KIAA1217: variants seen among roughly 807,000 people sequenced by gnomAD.
KIAA1217 encodes sickle tail protein homolog.
Under a neutral mutation model 163.9 loss-of-function variants are expected in KIAA1217, and 88 were observed. The observed-to-expected ratio is 0.54, with a 90% CI of 0.45 to 0.64. The LOEUF (loss-of-function observed/expected upper bound fraction) is 0.64. Ranked by LOEUF, KIAA1217 falls within the 30% of genes least tolerant of loss-of-function variation. The pLI, the probability that KIAA1217 is intolerant of heterozygous loss-of-function variation, is 0.00. For synonymous variants in KIAA1217, 903 were observed against 923.1 expected (o/e 0.98, Z 0.39); for missense variants, 2,372 against 2,475.0 (o/e 0.96, Z 0.88).
chr10:24,158,215 C>G (rs1787434928), intron 2 of KIAA1217: 1 of 734,908 alleles, frequency 1.4e-6, no homozygotes, highest in East Asian at 2.5e-5. Flanking sequence ...TACATCTACT[C>G]CTGGAACAGG....
At chr10:24,014,411 G>T (rs928983238) in intron 2 of KIAA1217, among the ~76,000 whole-genome samples, 1 of 152,152 alleles carries the variant, frequency 6.6e-6, no homozygotes, top group African/African-American at 2.4e-5. Flanking sequence ...GCTTTAAACA[G>T]TGTAGGAGAG....
chr10:24,094,301 C>T (rs913560629), intron 2 of KIAA1217, among the ~76,000 whole-genome samples: 4 of 152,228 alleles, frequency 2.6e-5, no homozygotes, highest in African/African-American at 9.6e-5. Flanking sequence ...TCCACATCCT[C>T]TCCAGCACCT....
chr10:23,779,902 C>CAATATTTAGTACGTA, intron 1 of KIAA1217, among the ~76,000 whole-genome samples: 1 of 152,126 alleles, frequency 6.6e-6, no homozygotes, highest in Non-Finnish European at 1.5e-5. Flanking sequence ...GTTACAATTG[C>CAATATTTAGTACGTA]CTACAATATT....
intron 2 of KIAA1217, among the ~76,000 whole-genome samples, chr10:24,300,180 T>C (rs977982796): frequency 6.6e-6 from 1 of 152,190 alleles, no homozygotes; most frequent in Admixed American, 6.5e-5. Context: ...ACAACATGAG[T>C]TATAAATTTT....
At chr10:23,924,819 A>G (rs1842962224) in intron 1 of KIAA1217, among the ~76,000 whole-genome samples, 1 of 152,230 alleles carries the variant, frequency 6.6e-6, no homozygotes, top group South Asian at 2.1e-4. Context: ...ACAAGGGAGC[A>G]GGAAGACATT....
chr10:24,090,304 C>T (rs1271644591), intron 2 of KIAA1217, among the ~76,000 whole-genome samples: 2 of 137,024 alleles, frequency 1.5e-5, no homozygotes, highest in Non-Finnish European at 3.1e-5. Context: ...GTAGCTTGAA[C>T]TACAGGCATG....
chr10:24,119,543 C>T (rs565824390), intron 2 of KIAA1217, among the ~76,000 whole-genome samples: 2 of 152,318 alleles, frequency 1.3e-5, no homozygotes, highest in East Asian at 1.9e-4. Flanking sequence ...GGCTGAGCTA[C>T]AGCTGTGTGT....
At position 24,391,995 on chromosome 10, in the gene KIAA1217, T is replaced by C. The variant is rs145175748; in HGVS notation, c.553+10928T>C. On this transcript the variant is annotated intron_variant, in intron 3 of 20. Transcript: ENST00000376454. Reference sequence around the variant, plus strand: ...GAAGAAAGTAGGCAAGTTTTATCTATGATTTATACCTTTCTAAATCCAAAT... The same window carrying C: ...GAAGAAAGTAGGCAAGTTTTATCTACGATTTATACCTTTCTAAATCCAAAT... 4.5e-3 allele frequency among the ~76,000 whole-genome samples: 679 copies of C among 152,358 alleles called. 10 individuals are homozygous for C. Among genetic ancestry groups the C allele is most frequent in the African/African-American group, 0.015 (625 of 41,580 alleles).
chr10:24,341,173 G>A (rs976019952), intron 2 of KIAA1217, among the ~76,000 whole-genome samples: 6 of 152,088 alleles, frequency 3.9e-5, no homozygotes, highest in Non-Finnish European at 8.8e-5. Context: ...ATTCTCCCCG[G>A]GCTGAAGTTG....
intron 3 of KIAA1217, among the ~76,000 whole-genome samples, chr10:24,422,089 G>A (rs538351407): frequency 6.6e-6 from 1 of 152,280 alleles, no homozygotes; most frequent in African/African-American, 2.4e-5. Flanking sequence ...CAGGCAAAGA[G>A]AGAGCTTGTG....
chr10:24,532,762 C>T (rs1235693078), intron 15 of KIAA1217, among the ~76,000 whole-genome samples: 1 of 152,072 alleles, frequency 6.6e-6, no homozygotes, highest in Non-Finnish European at 1.5e-5. Flanking sequence ...TCCAATGACA[C>T]GTGGGAATTA....
intron 3 of KIAA1217, among the ~76,000 whole-genome samples, chr10:24,413,602 T>G (rs1213604761): frequency 1.3e-5 from 2 of 152,198 alleles, no homozygotes; most frequent in Non-Finnish European, 2.9e-5. Flanking sequence ...ACCTACCACC[T>G]TTCTAACCTC....
chr10:24,162,075 T>C (rs541791999), intron 2 of KIAA1217, among the ~76,000 whole-genome samples: 2 of 152,258 alleles, frequency 1.3e-5, no homozygotes, highest in East Asian at 3.9e-4. Context: ...TAAATCCCAC[T>C]CCCCAAACTG....
intron 1 of KIAA1217, among the ~76,000 whole-genome samples, chr10:23,966,801 C>T (rs1022898101): frequency 5.9e-5 from 9 of 152,116 alleles, no homozygotes; most frequent in Non-Finnish European, 8.8e-5. Context: ...TATGAAGGGA[C>T]TATGTGATGA....
chr10:24,354,698 C>T (rs1363600043), intron 2 of KIAA1217, among the ~76,000 whole-genome samples: 1 of 152,114 alleles, frequency 6.6e-6, no homozygotes, highest in African/African-American at 2.4e-5. Flanking sequence ...CATTCCTAGC[C>T]AAACTCCTCT....
chr10:24,177,272 T>A (rs2065943286), intron 2 of KIAA1217, among the ~76,000 whole-genome samples: 1 of 95,532 alleles, frequency 1.0e-5, no homozygotes, highest in African/African-American at 3.6e-5. Flanking sequence ...TATATATATA[T>A]ATATATATAT....
chr10:23,897,227 G>A (rs913036120), intron 1 of KIAA1217, among the ~76,000 whole-genome samples: 2 of 151,984 alleles, frequency 1.3e-5, no homozygotes, highest in African/African-American at 2.4e-5. Context: ...ACCAAGTTGG[G>A]CATGTGATCT....
At position 23,779,745 on chromosome 10, in the gene KIAA1217, A is replaced by G. The variant is rs116354010; in HGVS notation, c.-321+84511A>G. ...ATGTACATTGATGTGAATAGTAACTATTTATTTCAAAGAAATGGTAAAACA... is the reference window on the plus strand; with the variant it reads ...ATGTACATTGATGTGAATAGTAACTGTTTATTTCAAAGAAATGGTAAAACA... On this transcript the variant is annotated intron_variant, in intron 1 of 18. Coordinates refer to the KIAA1217 transcript ENST00000376462. Among the ~76,000 whole-genome samples the G allele has an allele frequency of 5.9e-3, 899 of 152,290 alleles. 3 individuals carry two copies. Among genetic ancestry groups the G allele is most frequent in the African/African-American group, 0.018 (754 of 41,566 alleles).
rs192186049 is a variant in KIAA1217 at position 24,283,733 on chromosome 10, A to G, written c.354+63824A>G. 1.5e-3 allele frequency among the ~76,000 whole-genome samples: 231 copies of G among 152,268 alleles called. 4 individuals are homozygous for G. Among genetic ancestry groups the G allele is most frequent in the Non-Finnish European group, 8.8e-5 (6 of 68,018 alleles). ...TCTAAATTTGCTGTACCATTTTTGC[A>G]TTTCCATTATCAATGAATGAGAGTT... On this transcript the variant is annotated intron_variant, in intron 2 of 20. Coordinates refer to ENST00000376454, the MANE Select transcript of KIAA1217 (RefSeq NM_019590.5).
Sources: allele counts gnomAD v4.1 joint callset (sites outside exome capture counted in the v4.1 genomes callset), GRCh38; gene constraint gnomAD v4.1.1; transcripts MANE v1.5; gene names NCBI Gene and HGNC (gene_info 2026-07-23, HGNC 2026-07-21).